KRT86: variants seen among roughly 807,000 people sequenced by gnomAD.
KRT86 encodes keratin, type II cuticular Hb6.
A neutral mutation model predicts 41.2 loss-of-function variants in KRT86; 30 were observed. That is an observed-to-expected ratio of 0.73 (90% CI 0.54 to 0.99). The LOEUF is 0.99. KRT86 is among the 50% of genes least tolerant of loss of function. The pLI is 0.00. For missense variants in KRT86, 561 were observed against 571.4 expected (o/e 0.98, Z 0.19); for synonymous variants, 238 against 238.1 (o/e 1.00, Z 0.00).
intron 2 of KRT86, among the ~76,000 whole-genome samples, chr12:52,283,024 G>T (rs1472889150): frequency 6.6e-6 from 1 of 152,084 alleles, no homozygotes; most frequent in East Asian, 1.9e-4. Context: ...AACAACATGC[G>T]CATACACTGC....
intron 2 of KRT86, among the ~76,000 whole-genome samples, chr12:52,282,487 C>G (rs572906810): frequency 6.6e-6 from 1 of 152,340 alleles, no homozygotes; most frequent in South Asian, 2.1e-4. Context: ...CCGCCCGCCT[C>G]AGCCTCCCAA....
chr12:52,293,509 C>G (rs1052229665), intron 2 of KRT86, among the ~76,000 whole-genome samples: 4 of 152,054 alleles, frequency 2.6e-5, no homozygotes, highest in African/African-American at 9.7e-5. Context: ...GAGAGTCCAT[C>G]TAAGGAAGAC....
At chr12:52,291,617 CT>C in intron 2 of KRT86, 1 of 1,242,676 alleles carries the variant, frequency 8.0e-7, no homozygotes, top group Non-Finnish European at 1.1e-6. Flanking sequence ...GCAATTTGCG[CT>C]TTATGGGCTT....
At chr12:52,291,571 A>G in intron 2 of KRT86, 2 of 1,510,658 alleles carry the variant, frequency 1.3e-6, no homozygotes, top group Admixed American at 2.0e-5. Flanking sequence ...TTATGCGCAG[A>G]TTCTGAAGGG....
chr12:52,280,528 C>T (rs547687254), intron 2 of KRT86, among the ~76,000 whole-genome samples: 1 of 152,312 alleles, frequency 6.6e-6, no homozygotes, highest in Non-Finnish European at 1.5e-5. Context: ...GCCAGAGTGT[C>T]TGCTGTGTTC....
intron 2 of KRT86, chr12:52,285,772 A>C: frequency 5.3e-6 from 1 of 188,004 alleles, no homozygotes; most frequent in Non-Finnish European, 1.1e-5. Context: ...TCTTGGCTAA[A>C]TCTGAACCTT....
intron 2 of KRT86, among the ~76,000 whole-genome samples, chr12:52,279,815 G>T (rs1344812798): frequency 6.6e-6 from 1 of 152,196 alleles, no homozygotes; most frequent in Non-Finnish European, 1.5e-5. Flanking sequence ...CTGGGCAGCA[G>T]AGCTGAGAAT....
intron 2 of KRT86, among the ~76,000 whole-genome samples, chr12:52,283,906 C>G (rs1937841268): frequency 6.6e-6 from 1 of 152,194 alleles, no homozygotes; most frequent in African/African-American, 2.4e-5. Context: ...GTGTTTGATT[C>G]CTTCCCGCCT....
In KRT86 at chr12:52,301,758, T is replaced by C. The variant is rs1938382688; in HGVS notation, c.-4-155T>C. On this transcript the variant is annotated intron_variant, in intron 2 of 10. Coordinates refer to ENST00000423955, the MANE Select transcript of KRT86 (RefSeq NM_001320198.2). ...ACAGCAGCTAAACAACCCAAGCCCA[T>C]AAAGCCTTCTAATTGCTCCGACCCA... The C allele has an allele frequency of 4.7e-6, 7 of 1,478,512 alleles. No individual in the cohort carries two copies. The Admixed American group carries it at 5.3e-5, about 11-fold the overall frequency. 91.6% of individuals were successfully genotyped at this position (1,478,512 alleles called of 1,614,324 possible).
chr12:52,281,939 C>T (rs1469040168), intron 2 of KRT86, among the ~76,000 whole-genome samples: 1 of 152,030 alleles, frequency 6.6e-6, no homozygotes, highest in African/African-American at 2.4e-5. Flanking sequence ...TGGGGTCTCA[C>T]CATACTGCCC....
Position 52,305,769 on chromosome 12 carries a change from T to C in KRT86, c.1007T>C (p.Val336Ala). 1 of 1,613,836 alleles carries C rather than the reference T, an allele frequency of 6.2e-7. No homozygotes were observed. Among genetic ancestry groups the C allele is most frequent in the Non-Finnish European group, 8.5e-7 (1 of 1,179,824 alleles). Residue 336 changes from valine (V) to alanine (A), a missense_variant, in exon 8 of 11, where the codon GTG becomes GCG. Val to Ala is a moderately conservative substitution (Grantham distance 64, BLOSUM62 0). Around this residue, in one of 3 missense-constraint regions of KRT86, gnomAD observed 397 missense variants for 375.9 expected, o/e 1.06. Transcript: ENST00000423955. Reference sequence around the variant, plus strand: ...ATGATCCAGAGGCTGACGGCTGAGGTGGAGAATGCCAAGTGCCAGGTATGG... The same window carrying C: ...ATGATCCAGAGGCTGACGGCTGAGGCGGAGAATGCCAAGTGCCAGGTATGG... ...NRMIQRLTAE[V>A]ENAKCQNSKL...
rs1387484899 is a variant in KRT86 at position 52,302,208 on chromosome 12, A to T, written c.292A>T (p.Asn98Tyr). The stretch of plus-strand genomic sequence containing the variant: ...GCCCCTCAACCTGGAGATCGACCCC[A>T]ACGCGCAGTGCGTGAAGCAGGAGGA... ...LTPLNLEIDPNAQCVKQEEKE... is the reference protein window; with the variant it reads ...LTPLNLEIDPYAQCVKQEEKE... The change falls in exon 3 of 11, where the codon AAC becomes TAC. Residue 98 changes from asparagine (N) to tyrosine (Y), a missense_variant. This residue lies in a region of KRT86 where 164 missense variants were observed against 172.5 expected (regional missense o/e 0.95). Coordinates refer to ENST00000423955, the MANE Select transcript of KRT86 (RefSeq NM_001320198.2). 5 of 1,214,194 alleles carry T rather than the reference A, an allele frequency of 4.1e-6. No individual in the cohort carries two copies. The Admixed American group carries it at 1.2e-4, about 28-fold the overall frequency. The allele number at this position is 1,214,194 out of a possible 1,614,324, so 75.2% of individuals were successfully genotyped here. A position where few individuals can be genotyped will look rare whatever the true frequency, so the allele number is the denominator to read the frequency against.
chr12:52,305,852 G>C, intron 8 of KRT86, 64 bp downstream of exon 8: 1 of 1,613,590 alleles, frequency 6.2e-7, no homozygotes, highest in Non-Finnish European at 8.5e-7. Flanking sequence ...CACAGCCTAT[G>C]TGTGCCCTAT....
chr12:52,274,825 G>T (rs1372342835), intron 1 of KRT86, 103 bp downstream of exon 1: 2 of 651,892 alleles, frequency 3.1e-6, no homozygotes, highest in African/African-American at 3.9e-5. Flanking sequence ...GAGCAGAAAA[G>T]TTGGGGGCAG....
intron 2 of KRT86, among the ~76,000 whole-genome samples, chr12:52,278,705 C>A (rs1401167547): frequency 6.6e-6 from 1 of 152,116 alleles, no homozygotes; most frequent in East Asian, 1.9e-4. Flanking sequence ...AGTAGGCTGG[C>A]ATGGTCGGAT....
At chr12:52,287,793 T>G in intron 2 of KRT86, 3 of 1,613,484 alleles carry the variant, frequency 1.9e-6, no homozygotes, top group Non-Finnish European at 1.7e-6. Flanking sequence ...ACAGATGATT[T>G]TGCAGGTTGT....
chr12:52,308,383 C>T (rs200790340), intron 10 of KRT86, 21 bp from the exon 11 acceptor site: 3 of 1,611,442 alleles, frequency 1.9e-6, no homozygotes, highest in African/African-American at 1.3e-5. Flanking sequence ...TGACGCGCGC[C>T]TCCGTCTCTT....
intron 2 of KRT86, among the ~76,000 whole-genome samples, chr12:52,280,064 G>A (rs924126612): frequency 6.6e-6 from 1 of 152,178 alleles, no homozygotes; most frequent in African/African-American, 2.4e-5. Flanking sequence ...CCTTGCAGAT[G>A]GGGGCTGGAG....
rs78288048 is a variant in KRT86 at position 52,298,218 on chromosome 12, A to G, written c.-4-3695A>G. The stretch of plus-strand genomic sequence containing the variant: ...GCAATCAGGCTGGAGCAGAGATTGA[A>G]GGAGGGGCATGTGTTTTGGGGTTCT... On this transcript the variant is annotated intron_variant, in intron 2 of 10. Coordinates refer to ENST00000423955, the MANE Select transcript of KRT86 (RefSeq NM_001320198.2). 6.7e-3 allele frequency among the ~76,000 whole-genome samples: 1,022 copies of G among 152,326 alleles called. 7 individuals carry two copies. The highest frequency in any genetic ancestry group is 0.023 in the African/African-American group (963 of 41,570).
Sources: allele counts gnomAD v4.1 joint callset (sites outside exome capture counted in the v4.1 genomes callset), GRCh38; gene constraint gnomAD v4.1.1; regional missense constraint gnomAD v4.1.1; transcripts MANE v1.5; gene names NCBI Gene and HGNC (gene_info 2026-07-23, HGNC 2026-07-21).